Variants in SHROOM1 observed in about 807,000 individuals in gnomAD.
The protein encoded by SHROOM1 is protein Shroom1.
In SHROOM1, 53 loss-of-function variants were observed where a neutral mutation model predicts 64.2. The ratio of observed to expected loss-of-function variants is 0.83; its 90% CI spans 0.66 to 1.04. The LOEUF (loss-of-function observed/expected upper bound fraction) is 1.04, where lower values mean the gene tolerates loss of function less well. Ranked by LOEUF, SHROOM1 falls within the 50% of genes least tolerant of loss-of-function variation. SHROOM1 has a pLI of 0.00. For synonymous variants in SHROOM1, 490 were observed against 518.9 expected (o/e 0.94, Z 0.76); for missense variants, 1,179 against 1,163.2 (o/e 1.01, Z -0.20).
rs1758628410 is a variant in SHROOM1 at position 132,825,256 on chromosome 5, A to G, written c.885T>C (p.Gly295=). 1 of 1,613,554 alleles carries G rather than the reference A, an allele frequency of 6.2e-7. No homozygotes were observed. The highest frequency in any genetic ancestry group is 8.5e-7 in the Non-Finnish European group (1 of 1,179,926). Residue 295 remains glycine (G), a synonymous_variant, in exon 4 of 10, where the codon GGT becomes GGC. Transcript: ENST00000378679. This position sits in a 1 kb window ranked among gnomAD's most constrained non-coding sequence, Gnocchi z 5.1. ...TCCGACTGGCGGGCCTGAAGGCATC[A>G]CCGAGCTTCAAGGACCCGGAGTCCA... ...MNLDSGSLKL[G]DAFRPASRSR...
At position 132,830,129 on chromosome 5, in the gene SHROOM1, A is replaced by G. The variant is rs1250533756; in HGVS notation, c.-501+465T>C. 4.1e-6 allele frequency: 4 copies of G among 985,196 alleles called. No individual in the cohort carries two copies. Among genetic ancestry groups the G allele is most frequent in the African/African-American group, 1.7e-5 (1 of 57,212 alleles). The allele number at this position is 985,196 out of a possible 1,614,324, so 61.0% of individuals were successfully genotyped here. A position where few individuals can be genotyped will look rare whatever the true frequency, so the allele number is the denominator to read the frequency against. ...GAGACACGCGGAGCGGCTCGACAGC[A>G]GATGGCCGCAGCCCCGCGCAGTTCT... On this transcript the variant is annotated intron_variant, in intron 1 of 9. Coordinates refer to ENST00000378679, the MANE Select transcript of SHROOM1 (RefSeq NM_001172700.2). This position sits in a 1 kb window ranked among gnomAD's most constrained non-coding sequence, Gnocchi z 5.9.
Position 132,826,058 on chromosome 5 carries a change from C to T in SHROOM1, c.83G>A (p.Arg28His). 10 of 1,469,780 alleles carry T rather than the reference C, an allele frequency of 6.8e-6. No individual in the cohort carries two copies. Among genetic ancestry groups the T allele is most frequent in the Non-Finnish European group, 9.0e-6 (10 of 1,112,088 alleles). 91.0% of individuals were successfully genotyped at this position (1,469,780 alleles called of 1,614,324 possible). A position where few individuals can be genotyped will look rare whatever the true frequency, so the allele number is the denominator to read the frequency against. Residue 28 changes from arginine (R) to histidine (H), a missense_variant, in exon 4 of 10, where the codon CGC becomes CAC. Physicochemically the swap from Arg to His is conservative, Grantham distance 29. Transcript: ENST00000378679. Reference protein sequence around the residue: ...SSLDLWHLSMRADSAYSSFSA... With the variant: ...SSLDLWHLSMHADSAYSSFSA... ...GAAAGAGCTGTAGGCCGAGTCCGCG[C>T]GCATGGACAGATGCCACAGGTCCAG...
chr5:132,824,742 C>T lies in SHROOM1; in HGVS notation c.1114G>A (p.Val372Ile), dbSNP rs1323164462. Residue 372 changes from valine to isoleucine, a missense_variant, in exon 6 of 10, where the codon GTC becomes ATC. Physicochemically the swap from Val to Ile is conservative, Grantham distance 29. Transcript: ENST00000378679. ...GCAGGCACAATGCAGGTCTCTGAGA[C>T]CCTCTGTTCACTGTCAGCAGGGCTG... ...QSSPADSEQR[V>I]SETCIVPAWL... 6.2e-7 allele frequency: 1 copy of T among 1,613,946 alleles called. No individual in the cohort carries two copies. Among genetic ancestry groups the T allele is most frequent in the Non-Finnish European group, 8.5e-7 (1 of 1,180,028 alleles).
rs1758804965 is a variant in SHROOM1, at chr5:132,830,178, G to A, written c.-501+416C>T. On this transcript the variant is annotated intron_variant, in intron 1 of 9. Transcript: ENST00000378679. The surrounding 1 kb of genome is among the most constrained non-coding windows in gnomAD (Gnocchi z 5.9). Reference sequence around the variant, plus strand: ...CTGGGCCTTTCCCGTTGGGTTCACCGTCGGGGAAGGATCGCGCGCAGGGGA... The same window carrying A: ...CTGGGCCTTTCCCGTTGGGTTCACCATCGGGGAAGGATCGCGCGCAGGGGA... The A allele has an allele frequency of 5.1e-6, 5 of 985,050 alleles. No homozygotes were observed. The highest frequency in any genetic ancestry group is 1.0e-3 in the Middle Eastern group (2 of 1,936). The allele number at this position is 985,050 out of a possible 1,614,324, so 61.0% of individuals were successfully genotyped here.
At position 132,830,312 on chromosome 5, in the gene SHROOM1, G is replaced by A. The variant is rs1758807828; in HGVS notation, c.-501+282C>T. The A allele has an allele frequency of 7.1e-6, 7 of 985,148 alleles. No homozygotes were observed. Among genetic ancestry groups the A allele is most frequent in the Non-Finnish European group, 8.4e-6 (7 of 829,822 alleles). 61.0% of individuals were successfully genotyped at this position (985,148 alleles called of 1,614,324 possible). A position where few individuals can be genotyped will look rare whatever the true frequency, so the allele number is the denominator to read the frequency against. On this transcript the variant is annotated intron_variant, in intron 1 of 9. Coordinates refer to ENST00000378679, the MANE Select transcript of SHROOM1 (RefSeq NM_001172700.2). This position sits in a 1 kb window ranked among gnomAD's most constrained non-coding sequence, Gnocchi z 5.9. ...CGCGCTGCCCGCCGGCGCCACACGC[G>A]GCGCGCCCAGCCGCGCCCCTGAGCC...
At position 132,830,123 on chromosome 5, in the gene SHROOM1, G is replaced by A. The variant is rs576223464; in HGVS notation, c.-501+471C>T. 2.8e-5 allele frequency: 28 copies of A among 985,352 alleles called. No individual in the cohort carries two copies. In the African/African-American group the frequency reaches 4.2e-4, roughly 15 times the overall value. 61.0% of individuals were successfully genotyped at this position (985,352 alleles called of 1,614,324 possible). A position where few individuals can be genotyped will look rare whatever the true frequency, so the allele number is the denominator to read the frequency against. ...GCGGCAGAGACACGCGGAGCGGCTC[G>A]ACAGCAGATGGCCGCAGCCCCGCGC... On this transcript the variant is annotated intron_variant, in intron 1 of 9. Coordinates refer to ENST00000378679, the MANE Select transcript of SHROOM1 (RefSeq NM_001172700.2). The surrounding 1 kb of genome is among the most constrained non-coding windows in gnomAD (Gnocchi z 5.9).
chr5:132,829,904 C>T (rs1455967371), intron 1 of SHROOM1: 1 of 985,360 alleles, frequency 1.0e-6, no homozygotes, highest in East Asian at 1.1e-4. Context: ...GGTTTACGGG[C>T]TCATCGGTCG....
intron 1 of SHROOM1, among the ~76,000 whole-genome samples, chr5:132,828,020 G>C (rs1294858763): frequency 6.6e-6 from 1 of 152,132 alleles, no homozygotes; most frequent in Non-Finnish European, 1.5e-5. Context: ...GGCTCCCTAT[G>C]AACTATGGAG....
In SHROOM1 at chr5:132,823,555, C is replaced by A; in HGVS notation, c.1954-33G>T. On this transcript the variant is annotated intron_variant, in intron 8 of 9. Transcript: ENST00000378679. The surrounding 1 kb of genome is among the most constrained non-coding windows in gnomAD (Gnocchi z 4.6). Reference sequence around the variant, plus strand: ...GAAGGCTCAAGGCTGGGGCCAGGCTCATGACTTCCCTGCCCAGGCTCTGGG... The same window carrying A: ...GAAGGCTCAAGGCTGGGGCCAGGCTAATGACTTCCCTGCCCAGGCTCTGGG... 1 of 1,573,238 alleles carries A rather than the reference C, an allele frequency of 6.4e-7. No homozygotes were observed. Among genetic ancestry groups the A allele is most frequent in the Middle Eastern group, 1.7e-4 (1 of 5,872 alleles).
In SHROOM1 at chr5:132,825,550, C is replaced by G. The variant is rs746741395; in HGVS notation, c.591G>C (p.Glu197Asp). The change falls in exon 4 of 10, where the codon GAG (glutamate) becomes GAC (aspartate). Residue 197 changes from glutamate (E) to aspartate (D), a missense_variant. Glu to Asp is a conservative substitution (Grantham distance 45). Transcript: ENST00000378679. The surrounding 1 kb of genome is among the most constrained non-coding windows in gnomAD (Gnocchi z 5.1). ...ASLSHPGGEGEPARSRAPAPG... is the reference protein window; with the variant it reads ...ASLSHPGGEGDPARSRAPAPG... ...GCGCGGGAGCCCGGGAGCGCGCCGG[C>G]TCCCCCTCCCCGCCCGGGTGGCTGA... 2 of 1,422,642 alleles carry G rather than the reference C, an allele frequency of 1.4e-6. No individual in the cohort carries two copies. Among genetic ancestry groups the G allele is most frequent in the African/African-American group, 1.5e-5 (1 of 66,836 alleles). The allele number at this position is 1,422,642 out of a possible 1,614,324, so 88.1% of individuals were successfully genotyped here.
Position 132,824,396 on chromosome 5 carries a change from T to C in SHROOM1, c.1265A>G (p.Tyr422Cys), listed in dbSNP as rs1758584040. 8 of 1,557,888 alleles carry C rather than the reference T, an allele frequency of 5.1e-6. No homozygotes were observed. The South Asian group carries it at 7.5e-5, about 15-fold the overall frequency. The part of the protein sequence containing the change: ...PASVHASDQP[Y>C]GTGLGQRTGQ... ...AGTTCTTTGGCCTAAGCCAGTTCCA[T>C]ACGGCTGGTCAGAGGCATGGACACT... The change falls in exon 7 of 10, where the codon TAT becomes TGT. Residue 422 changes from tyrosine (Y) to cysteine (C), a missense_variant. Coordinates refer to ENST00000378679, the MANE Select transcript of SHROOM1 (RefSeq NM_001172700.2).
At position 132,828,277 on chromosome 5, in the gene SHROOM1, A is replaced by G. The variant is rs10440783; in HGVS notation, c.-500-670T>C. ...CTAAAAGGGAAAGGCAGTACCTACA[A>G]CATTCCCAGGAGAGGCTCTCAGCAG... On this transcript the variant is annotated intron_variant, in intron 1 of 9. Transcript: ENST00000378679. 7.7e-3 allele frequency among the ~76,000 whole-genome samples: 1,167 copies of G among 152,256 alleles called. 15 individuals are homozygous for G. The highest frequency in any genetic ancestry group is 0.026 in the African/African-American group (1,088 of 41,532).
chr5:132,823,414 C>A lies in SHROOM1; in HGVS notation c.2062G>T (p.Ala688Ser), dbSNP rs774361043. The A allele has an allele frequency of 6.2e-7, 1 of 1,611,284 alleles. No individual in the cohort carries two copies. Among genetic ancestry groups the A allele is most frequent in the Non-Finnish European group, 8.5e-7 (1 of 1,179,774 alleles). ...AWARRQAALE[A>S]AVRQACAPQE... Reference sequence around the variant, plus strand: ...GGGGCACAGGCCTGGCGCACTGCAGCCTCCAGAGCCGCTTGGCGCCTGGCC... The same window carrying A: ...GGGGCACAGGCCTGGCGCACTGCAGACTCCAGAGCCGCTTGGCGCCTGGCC... Residue 688 changes from alanine to serine, a missense_variant, in exon 9 of 10, where the codon GCT becomes TCT. Ala to Ser is a moderately conservative substitution (Grantham distance 99, BLOSUM62 1). Coordinates refer to ENST00000378679, the MANE Select transcript of SHROOM1 (RefSeq NM_001172700.2). This position sits in a 1 kb window ranked among gnomAD's most constrained non-coding sequence, Gnocchi z 4.6.
Position 132,825,037 on chromosome 5 carries a change from AC to A in SHROOM1, c.1014del (p.Leu338PhefsTer17). The A allele has an allele frequency of 1.2e-6, 2 of 1,614,106 alleles. No individual in the cohort carries two copies. Among genetic ancestry groups the A allele is most frequent in the Non-Finnish European group, 1.7e-6 (2 of 1,180,016 alleles). Reference protein sequence around the residue: ...VPQGAETPRPLFQTKLSRFLP... With the variant: ...VPQGAETPRPXFQTKLSRFLP... The stretch of plus-strand genomic sequence containing the variant: ...TCTCACCTGGAAAGTTTGGTCTGAA[AC>A]AATGGTCTGGGGGTTTCTGCTCCTT... On this transcript the variant is annotated frameshift_variant, in exon 5 of 10. Coordinates refer to ENST00000378679, the MANE Select transcript of SHROOM1 (RefSeq NM_001172700.2). LOFTEE classifies it high-confidence loss of function. This position sits in a 1 kb window ranked among gnomAD's most constrained non-coding sequence, Gnocchi z 5.1.
At chr5:132,827,789 G>A (rs1459524590) in intron 1 of SHROOM1, among the ~76,000 whole-genome samples, 182 bp from the exon 2 acceptor site, 2 of 152,172 alleles carry the variant, frequency 1.3e-5, no homozygotes, top group East Asian at 3.8e-4. Flanking sequence ...CTGGGGAAGA[G>A]GACAGAATGG....
At position 132,822,903 on chromosome 5, in the gene SHROOM1, C is replaced by G; in HGVS notation, c.2452G>C (p.Asp818His). 6.2e-7 allele frequency: 1 copy of G among 1,613,560 alleles called. No homozygotes were observed. Among genetic ancestry groups the G allele is most frequent in the African/African-American group, 1.3e-5 (1 of 75,064 alleles). The change falls in exon 10 of 10, where the codon GAC (aspartate) becomes CAC (histidine). Residue 818 changes from aspartate (D) to histidine (H), a missense_variant. Transcript: ENST00000378679. ...TGGCCAAGGTCGTCCCTGATGGCGT[C>G]CAGTTGGTCCTGAAGGAGGCGGATG... is the stretch of plus-strand genomic sequence containing the variant. ...ERIRLLQDQL[D>H]AIRDDLGHHA... is the part of the protein sequence containing the mutation.
Position 132,830,291 on chromosome 5 carries a change from C to G in SHROOM1, c.-501+303G>C. The stretch of plus-strand genomic sequence containing the variant: ...CGGAGGGTGGCGGAGTGAGACCGCG[C>G]TGCCCGCCGGCGCCACACGCGGCGC... On this transcript the variant is annotated intron_variant, in intron 1 of 9. Coordinates refer to ENST00000378679, the MANE Select transcript of SHROOM1 (RefSeq NM_001172700.2). This position sits in a 1 kb window ranked among gnomAD's most constrained non-coding sequence, Gnocchi z 5.9. The G allele has an allele frequency of 1.0e-6, 1 of 985,290 alleles. No individual in the cohort carries two copies. Among genetic ancestry groups the G allele is most frequent in the Non-Finnish European group, 1.2e-6 (1 of 829,868 alleles). The allele number at this position is 985,290 out of a possible 1,614,324, so 61.0% of individuals were successfully genotyped here. A position where few individuals can be genotyped will look rare whatever the true frequency, so the allele number is the denominator to read the frequency against.
Position 132,824,267 on chromosome 5 carries a change from C to T in SHROOM1, c.1394G>A (p.Arg465Lys). 1 of 1,613,916 alleles carries T rather than the reference C, an allele frequency of 6.2e-7. No homozygotes were observed. The highest frequency in any genetic ancestry group is 8.5e-7 in the Non-Finnish European group (1 of 1,179,964). ...CCCAGTGGGGGTGTGGCTTGTGGGC[C>T]TGGAAATACCTACAGAACCATTCAC... ...QGVNGSVGIS[R>K]PTSHTPTGTA... is the part of the protein sequence containing the mutation. Residue 465 changes from arginine (R) to lysine (K), a missense_variant, in exon 7 of 10, where the codon AGG becomes AAG. By Grantham distance (26) the Arg-to-Lys change is conservative. Coordinates refer to ENST00000378679, the MANE Select transcript of SHROOM1 (RefSeq NM_001172700.2).
intron 1 of SHROOM1, among the ~76,000 whole-genome samples, chr5:132,828,801 G>C (rs576177025): frequency 6.6e-6 from 1 of 152,364 alleles, no homozygotes; most frequent in South Asian, 2.1e-4. Flanking sequence ...TTGCACTGGT[G>C]GCCCTATCAG....
Sources: gnomAD v4.1 joint callset for allele counts (sites outside exome capture counted in the v4.1 genomes callset) on GRCh38, gnomAD v4.1.1 for gene constraint, Gnocchi (gnomAD v3.1) non-coding constraint, MANE v1.5 for transcripts, NCBI Gene and HGNC (gene_info 2026-07-23, HGNC 2026-07-21) for gene names.